XKR6: variants seen among roughly 807,000 people sequenced by gnomAD.
XKR6 encodes the protein XK related 6.
In XKR6, 22 loss-of-function variants were observed where a neutral mutation model predicts 56.7. The ratio of observed to expected loss-of-function variants is 0.39; its 90% CI spans 0.28 to 0.55. The LOEUF (loss-of-function observed/expected upper bound fraction) is 0.55. XKR6 is among the 20% of genes least tolerant of loss of function. XKR6 has a pLI of 0.66. For missense variants in XKR6, 852 were observed against 889.0 expected (o/e 0.96, Z 0.53); for synonymous variants, 524 against 387.8 (o/e 1.35, Z -4.13).
intron 1 of XKR6, among the ~76,000 whole-genome samples, chr8:10,970,149 C>T (rs1209818837): frequency 6.6e-6 from 1 of 152,144 alleles, no homozygotes; most frequent in African/African-American, 2.4e-5. Context: ...CTCCGGGACC[C>T]CATAACTCAG....
chr8:11,140,838 T>C (rs1212980258), intron 1 of XKR6, among the ~76,000 whole-genome samples: 3 of 141,258 alleles, frequency 2.1e-5, no homozygotes, highest in Non-Finnish European at 3.0e-5. Context: ...GAAGAGCTTG[T>C]AGTGAGCCGA....
At chr8:11,013,794 G>A (rs1798552675) in intron 1 of XKR6, among the ~76,000 whole-genome samples, 1 of 152,222 alleles carries the variant, frequency 6.6e-6, no homozygotes, top group South Asian at 2.1e-4. Flanking sequence ...ACCTACTTCA[G>A]CAGGGTTCCT....
At chr8:10,950,774 G>A (rs1403489057) in intron 1 of XKR6, among the ~76,000 whole-genome samples, 1 of 152,168 alleles carries the variant, frequency 6.6e-6, no homozygotes, top group Non-Finnish European at 1.5e-5. Context: ...CCAAACCTTC[G>A]CCTCCCAAGG....
At chr8:11,151,612 G>C (rs1047432729) in intron 1 of XKR6, among the ~76,000 whole-genome samples, 3 of 152,094 alleles carry the variant, frequency 2.0e-5, no homozygotes, top group Non-Finnish European at 2.9e-5. Flanking sequence ...CAGTCTGGAA[G>C]CCTGGTGGAT....
At chr8:10,924,892 C>T in intron 1 of XKR6, 62 bp from the exon 2 acceptor site, 1 of 1,527,094 alleles carries the variant, frequency 6.5e-7, no homozygotes, top group Non-Finnish European at 8.9e-7. Flanking sequence ...CCAGAGGACC[C>T]TTGCCATCCC....
chr8:11,164,573 T>G (rs1801976987), intron 1 of XKR6, among the ~76,000 whole-genome samples: 1 of 152,234 alleles, frequency 6.6e-6, no homozygotes, highest in Non-Finnish European at 1.5e-5. Context: ...GCTTTGTCAC[T>G]TTCAAAAGCA....
intron 1 of XKR6, among the ~76,000 whole-genome samples, chr8:11,016,374 G>A (rs1214906387): frequency 3.3e-5 from 5 of 152,154 alleles, no homozygotes; most frequent in Non-Finnish European, 7.4e-5. Context: ...GGGAGTGTGC[G>A]CCGCGGGGAC....
At chr8:11,102,720 G>A (rs971256826) in intron 1 of XKR6, among the ~76,000 whole-genome samples, 2 of 152,192 alleles carry the variant, frequency 1.3e-5, no homozygotes, top group African/African-American at 4.8e-5. Flanking sequence ...AGAGGAAGAT[G>A]AGGAGGGACA....
chr8:11,176,689 G>A (rs1301812122), intron 1 of XKR6, among the ~76,000 whole-genome samples: 2 of 152,086 alleles, frequency 1.3e-5, no homozygotes, highest in Non-Finnish European at 2.9e-5. Context: ...TGGTGCCACA[G>A]CCTCGAGGAC....
chr8:11,009,194 C>G (rs958235999), intron 1 of XKR6, among the ~76,000 whole-genome samples: 5 of 152,080 alleles, frequency 3.3e-5, no homozygotes, highest in African/African-American at 1.2e-4. Context: ...TGGTGCATGT[C>G]TCTTTCGCCC....
chr8:10,988,535 C>A (rs11250103), intron 1 of XKR6, among the ~76,000 whole-genome samples: 1 of 151,978 alleles, frequency 6.6e-6, no homozygotes, highest in Admixed American at 6.5e-5. Flanking sequence ...ATCAGAAAGG[C>A]AAGGAATGCT....
intron 1 of XKR6, among the ~76,000 whole-genome samples, chr8:10,988,079 G>C (rs1797904052): frequency 6.6e-6 from 1 of 152,138 alleles, no homozygotes; most frequent in South Asian, 2.1e-4. Flanking sequence ...CTGTTCCCGG[G>C]CCATCCCCTC....
chr8:11,056,595 G>C (rs902038111), intron 1 of XKR6, among the ~76,000 whole-genome samples: 1 of 152,192 alleles, frequency 6.6e-6, no homozygotes, highest in Non-Finnish European at 1.5e-5. Context: ...CAGCTTCCCC[G>C]GAACTGGGGA....
intron 1 of XKR6, among the ~76,000 whole-genome samples, chr8:11,012,685 C>T (rs1798528856): frequency 1.3e-5 from 2 of 151,834 alleles, no homozygotes; most frequent in African/African-American, 4.8e-5. Context: ...TCTGCATCCC[C>T]TCCTTTTTTC....
intron 1 of XKR6, among the ~76,000 whole-genome samples, chr8:11,166,459 G>C (rs1175423737): frequency 1.3e-5 from 2 of 152,116 alleles, no homozygotes; most frequent in East Asian, 1.9e-4. Context: ...AGACAACCTA[G>C]TCTATGGTGG....
At chr8:10,955,542 T>C (rs1801858962) in intron 1 of XKR6, among the ~76,000 whole-genome samples, 2 of 152,136 alleles carry the variant, frequency 1.3e-5, no homozygotes, top group Non-Finnish European at 2.9e-5. Context: ...TGGGTCTAAG[T>C]GGGTCGTATG....
intron 1 of XKR6, among the ~76,000 whole-genome samples, chr8:11,069,168 G>C (rs1800054659): frequency 6.6e-6 from 1 of 151,960 alleles, no homozygotes; most frequent in South Asian, 2.1e-4. Context: ...CTCCTTAATG[G>C]GATAAAGAGT....
chr8:10,937,547 C>G (rs1261349346), intron 1 of XKR6, among the ~76,000 whole-genome samples: 1 of 148,314 alleles, frequency 6.7e-6, no homozygotes, highest in Non-Finnish European at 1.5e-5. Flanking sequence ...TACTTTTGGT[C>G]TTTGATGATG....
At chr8:11,101,054 G>A (rs765910016) in intron 1 of XKR6, among the ~76,000 whole-genome samples, 3 of 152,158 alleles carry the variant, frequency 2.0e-5, no homozygotes, top group Non-Finnish European at 4.4e-5. Context: ...TCGCTAAAAC[G>A]CTTTGAAAAG....
Sources: gnomAD v4.1 joint callset for allele counts (sites outside exome capture counted in the v4.1 genomes callset) on GRCh38, gnomAD v4.1.1 for gene constraint, MANE v1.5 for transcripts, NCBI Gene and HGNC (gene_info 2026-07-23, HGNC 2026-07-21) for gene names.